The following SMYD1 variants were observed in gnomAD, a reference collection of about 807,000 sequenced individuals.
The protein encoded by SMYD1 is histone-lysine N-methyltransferase SMYD1.
SMYD1 carries 49 observed loss-of-function variants against 54.0 expected under a neutral mutation model. The observed-to-expected ratio is 0.91, with a 90% CI of 0.72 to 1.15. SMYD1 has a LOEUF of 1.15. Among genes scored for constraint, SMYD1 ranks in the 50% most tolerant of loss-of-function variants. SMYD1 has a pLI of 0.00. For missense variants in SMYD1, 653 were observed against 639.6 expected, an observed-to-expected ratio of 1.02 and a Z score of -0.23; for synonymous variants, 269 against 234.2, an observed-to-expected ratio of 1.15 and a Z score of -1.36.
chr2:88,077,925 A>G (rs1674106529), intron 1 of SMYD1, among the ~76,000 whole-genome samples: 1 of 151,974 alleles, frequency 6.6e-6, no homozygotes. Context: ...GGGTTTCACT[A>G]TGTTGGCCAG....
At chr2:88,077,754 C>T (rs1450320522) in intron 1 of SMYD1, among the ~76,000 whole-genome samples, 2 of 144,184 alleles carry the variant, frequency 1.4e-5, no homozygotes, top group East Asian at 2.1e-4. Flanking sequence ...GACGGAGTCT[C>T]ACATTGTCAC....
rs1471802894 is a variant in SMYD1 at position 88,110,417 on chromosome 2, A to G, written c.1378A>G (p.Lys460Glu). The G allele has an allele frequency of 1.2e-6, 2 of 1,611,846 alleles. No individual in the cohort carries two copies. Among genetic ancestry groups the G allele is most frequent in the Non-Finnish European group, 1.7e-6 (2 of 1,179,116 alleles). The change falls in exon 10 of 10, where the codon AAG (lysine) becomes GAG (glutamate). Residue 460 changes from lysine to glutamate, a missense_variant. Lys to Glu is a moderately conservative substitution (Grantham distance 56). Transcript: ENST00000419482. ...MFRQNEFMYY[K>E]MREAALNNQP... ...CCGCCAGAACGAATTCATGTACTAC[A>G]AGATGCGCGAGGCTGCCCTGAACAA...
In SMYD1 at chr2:88,110,908, C is replaced by T. The variant is rs1019842805; in HGVS notation, c.*396C>T. On this transcript the variant is annotated 3_prime_UTR_variant, in exon 10 of 10. Coordinates refer to ENST00000419482, the MANE Select transcript of SMYD1 (RefSeq NM_198274.4). ...GTCTGGTGTGTGATGTGTGTGTGTG[C>T]AGTGGGGGTATCACAGAGAGTATGA... 3 of 165,158 alleles carry T rather than the reference C, an allele frequency of 1.8e-5. No homozygotes were observed. Among genetic ancestry groups the T allele is most frequent in the South Asian group, 1.7e-4 (1 of 5,870 alleles). The allele number at this position is 165,158 out of a possible 1,614,324, so 10.2% of individuals were successfully genotyped here.
At chr2:88,092,100 C>T (rs1200582668) in intron 4 of SMYD1, among the ~76,000 whole-genome samples, 1 of 152,130 alleles carries the variant, frequency 6.6e-6, no homozygotes, top group Non-Finnish European at 1.5e-5. Flanking sequence ...CAGCTGGCAC[C>T]ATGGCTCAGA....
Position 88,108,471 on chromosome 2 carries a change from A to G in SMYD1, c.1246A>G (p.Ile416Val). ...TAACATTGAGGTGGGGCACGGGATG[A>G]TCTGCAAAGCCTATGCCATTCTCCT... ...AGNIEVGHGMICKAYAILLVT... is the reference protein window; with the variant it reads ...AGNIEVGHGMVCKAYAILLVT... The change falls in exon 9 of 10, where the codon ATC (isoleucine) becomes GTC (valine). Residue 416 changes from isoleucine (I) to valine (V), a missense_variant. By Grantham distance (29) the Ile-to-Val change is conservative (BLOSUM62 3). Coordinates refer to ENST00000419482, the MANE Select transcript of SMYD1 (RefSeq NM_198274.4). 1 of 1,612,606 alleles carries G rather than the reference A, an allele frequency of 6.2e-7. No homozygotes were observed. Among genetic ancestry groups the G allele is most frequent in the Non-Finnish European group, 8.5e-7 (1 of 1,179,422 alleles).
chr2:88,073,955 C>A (rs1224511795), intron 1 of SMYD1, among the ~76,000 whole-genome samples: 1 of 152,192 alleles, frequency 6.6e-6, no homozygotes, highest in Non-Finnish European at 1.5e-5. Context: ...GTTCTCCCCT[C>A]TATTACCTAG....
intron 1 of SMYD1, among the ~76,000 whole-genome samples, chr2:88,082,308 A>G (rs1387537793): frequency 6.6e-6 from 1 of 152,156 alleles, no homozygotes; most frequent in Non-Finnish European, 1.5e-5. Context: ...TAAGCACTAA[A>G]CTTTCACGCC....
intron 1 of SMYD1, among the ~76,000 whole-genome samples, chr2:88,071,172 A>G (rs2103974505): frequency 6.6e-6 from 1 of 152,058 alleles, no homozygotes; most frequent in Middle Eastern, 3.4e-3. Context: ...TACCAAATTT[A>G]TTTTTCCATT....
At chr2:88,106,183 A>G in intron 7 of SMYD1, 142 bp from the exon 8 acceptor site, 2 of 1,135,010 alleles carry the variant, frequency 1.8e-6, no homozygotes, top group Non-Finnish European at 2.5e-6. Context: ...TCATACCCCA[A>G]ACCTGTGCTT....
At chr2:88,102,399 G>A (rs1175705045) in intron 6 of SMYD1, among the ~76,000 whole-genome samples, 1 of 151,966 alleles carries the variant, frequency 6.6e-6, no homozygotes, top group Non-Finnish European at 1.5e-5. Context: ...AGGCTGCTTA[G>A]GCAAATGTAA....
intron 4 of SMYD1, among the ~76,000 whole-genome samples, chr2:88,092,862 C>T (rs909967326): frequency 7.9e-5 from 12 of 152,366 alleles, no homozygotes; most frequent in Admixed American, 3.9e-4. Flanking sequence ...TTGGGTGTAA[C>T]AACCACAGGA....
At position 88,098,419 on chromosome 2, in the gene SMYD1, G is replaced by C. The variant is rs80130314; in HGVS notation, c.888+1635G>C. On this transcript the variant is annotated intron_variant, in intron 6 of 9. Coordinates refer to ENST00000419482, the MANE Select transcript of SMYD1 (RefSeq NM_198274.4). ...ACACATCTCCAGTATGAATTGCAGA[G>C]TTGGCATTTCTCTTGATATAAAAGA... 5.6e-3 allele frequency among the ~76,000 whole-genome samples: 854 copies of C among 152,246 alleles called. 9 individuals carry two copies. The highest frequency in any genetic ancestry group is 0.018 in the African/African-American group (749 of 41,530).
At chr2:88,072,343 G>A (rs1673967000) in intron 1 of SMYD1, among the ~76,000 whole-genome samples, 1 of 152,104 alleles carries the variant, frequency 6.6e-6, no homozygotes, top group Non-Finnish European at 1.5e-5. Flanking sequence ...TAGAGACAGG[G>A]TTTCACCCTG....
chr2:88,069,061 C>T (rs772891627), intron 1 of SMYD1, among the ~76,000 whole-genome samples: 15 of 152,146 alleles, frequency 9.9e-5, no homozygotes, highest in East Asian at 1.9e-4. Context: ...CGCTTCCTCA[C>T]GACCTTGGCC....
At position 88,093,480 on chromosome 2, in the gene SMYD1, T is replaced by G. The variant is rs74474850; in HGVS notation, c.660-37T>G. On this transcript the variant is annotated intron_variant, in intron 4 of 9. Transcript: ENST00000419482. Reference sequence around the variant, plus strand: ...TGGATCACACCTGATCAGCCAATGATAATGATTTCCATATGGGTGTCTGTT... The same window carrying G: ...TGGATCACACCTGATCAGCCAATGAGAATGATTTCCATATGGGTGTCTGTT... The G allele has an allele frequency of 1.4e-3, 2,291 of 1,613,706 alleles. 37 individuals are homozygous for G. The African/African-American group carries it at 0.026, about 18-fold the overall frequency.
At chr2:88,093,942 C>T in intron 5 of SMYD1, among the ~76,000 whole-genome samples, 1 of 152,174 alleles carries the variant, frequency 6.6e-6, no homozygotes, top group Non-Finnish European at 1.5e-5. Context: ...GCCCCAACTT[C>T]TCACCCAGAC....
chr2:88,108,263 G>A lies in SMYD1; in HGVS notation c.1146-108G>A, dbSNP rs905198902. The A allele has an allele frequency of 8.8e-6, 10 of 1,138,630 alleles. No individual in the cohort carries two copies. In the African/African-American group the frequency reaches 1.6e-4, roughly 18 times the overall value. 70.5% of individuals were successfully genotyped at this position (1,138,630 alleles called of 1,614,324 possible). The stretch of plus-strand genomic sequence containing the variant: ...GCTACAGAAGCCTTGCAGTGCTGAG[G>A]GGAAGACAGATGGGCTTAATCAACA... On this transcript the variant is annotated intron_variant, in intron 8 of 9. Transcript: ENST00000419482.
chr2:88,076,413 CG>C (rs1674064918), intron 1 of SMYD1, among the ~76,000 whole-genome samples: 1 of 152,014 alleles, frequency 6.6e-6, no homozygotes, highest in African/African-American at 2.4e-5. Context: ...TTAGTAGAGA[CG>C]GGGTTTCGCC....
At chr2:88,080,840 G>A (rs1336227903) in intron 1 of SMYD1, among the ~76,000 whole-genome samples, 1 of 152,090 alleles carries the variant, frequency 6.6e-6, no homozygotes, top group African/African-American at 2.4e-5. Flanking sequence ...TAAAGGTGAA[G>A]ACTCCAAGTT....
Sources: gnomAD v4.1 joint callset for allele counts (sites outside exome capture counted in the v4.1 genomes callset) on GRCh38, gnomAD v4.1.1 for gene constraint, MANE v1.5 for transcripts, NCBI Gene and HGNC (gene_info 2026-07-23, HGNC 2026-07-21) for gene names.